Variants in SPAG5 observed in about 807,000 individuals in gnomAD.
SPAG5 encodes sperm associated antigen 5.
Under a neutral mutation model 145.4 loss-of-function variants are expected in SPAG5, and 99 were observed. The ratio of observed to expected loss-of-function variants is 0.68; its 90% confidence interval spans 0.58 to 0.80. The LOEUF (loss-of-function observed/expected upper bound fraction) is 0.80, where lower values mean the gene tolerates loss of function less well. SPAG5 is among the 30% of genes least tolerant of loss of function. SPAG5 has a pLI of 0.00. For missense variants in SPAG5, 1,192 were observed against 1,416.0 expected (o/e 0.84, Z 2.54); for synonymous variants, 477 against 525.4 (o/e 0.91, Z 1.26).
chr17:28,578,444 C>A lies in SPAG5; in HGVS notation c.3283G>T (p.Gly1095Cys), dbSNP rs771540023. The change falls in exon 21 of 24, where the codon GGC (glycine) becomes TGC (cysteine). Residue 1095 changes from glycine to cysteine, a missense_variant. Coordinates refer to ENST00000321765, the MANE Select transcript of SPAG5 (RefSeq NM_006461.4). ...ETKVLQEALA[G>C]QLDSNCQPMA... The stretch of plus-strand genomic sequence containing the variant: ...GGCTGGCAGTTGGAGTCCAGCTGGC[C>A]TGCCAGGGCCTCCTGGAGCACTTTG... The A allele has an allele frequency of 6.2e-7, 1 of 1,614,098 alleles. No homozygotes were observed. Among genetic ancestry groups the A allele is most frequent in the Non-Finnish European group, 8.5e-7 (1 of 1,180,038 alleles).
In SPAG5 at chr17:28,583,866, C is replaced by T. The variant is rs752244923; in HGVS notation, c.2533G>A (p.Val845Ile). ...SLQCENLKDT[V>I]ENLTAKLAST... The stretch of plus-strand genomic sequence containing the variant: ...TAGAGAACTTACGTTAGGTTCTCTA[C>T]AGTGTCCTTGAGGTTCTCACACTGC... The change falls in exon 14 of 24, where the codon GTA (valine) becomes ATA (isoleucine). Residue 845 changes from valine (V) to isoleucine (I), a missense_variant. Transcript: ENST00000321765. 1.9e-6 allele frequency: 3 copies of T among 1,613,830 alleles called. No homozygotes were observed. The East Asian group carries it at 6.7e-5, about 36-fold the overall frequency.
intron 15 of SPAG5, among the ~76,000 whole-genome samples, chr17:28,581,902 C>T (rs1297368163): frequency 1.3e-5 from 2 of 152,208 alleles, no homozygotes; most frequent in Non-Finnish European, 2.9e-5. Context: ...GGAGGTGTCA[C>T]TAGCCCTAGT....
Position 28,592,683 on chromosome 17 carries a change from A to G in SPAG5, c.561T>C (p.Ala187=). The change falls in exon 3 of 24, where the codon GCT becomes GCC. Residue 187 remains alanine (A), a synonymous_variant. Coordinates refer to ENST00000321765, the MANE Select transcript of SPAG5 (RefSeq NM_006461.4). ...CCTGAAAGATAGGTTTCTCAGATAC[A>G]GCAGCAACTTCTGAAAACCTGTCTC... The part of the protein sequence containing the change: ...CMGDRFSEVA[A]VSEKPIFQES... 1 of 1,614,230 alleles carries G rather than the reference A, an allele frequency of 6.2e-7. No homozygotes were observed. The highest frequency in any genetic ancestry group is 8.5e-7 in the Non-Finnish European group (1 of 1,180,044).
Position 28,598,630 on chromosome 17 carries a change from T to C in SPAG5, c.57A>G (p.Lys19=). ...LSLSPSPQTG[K]PSMRTPLREL... ...CACGGAGAGGAGTTCTCATAGATGGTTTTCCCTGAGAAAGAAACCAAGAAA... is the reference window on the plus strand; with the variant it reads ...CACGGAGAGGAGTTCTCATAGATGGCTTTCCCTGAGAAAGAAACCAAGAAA... Residue 19 remains lysine, a synonymous_variant, in exon 2 of 24, where the codon AAA becomes AAG. Transcript: ENST00000321765. The C allele has an allele frequency of 1.3e-6, 2 of 1,592,244 alleles. No individual in the cohort carries two copies. The highest frequency in any genetic ancestry group is 1.1e-5 in the South Asian group (1 of 89,378).
intron 17 of SPAG5, 45 bp downstream of exon 17, chr17:28,579,706 C>T: frequency 6.3e-7 from 1 of 1,577,354 alleles, no homozygotes; most frequent in Non-Finnish European, 8.7e-7. Context: ...TCATCACCAC[C>T]AGATTTTCTA....
At chr17:28,577,867 C>T (rs1312968811) in intron 23 of SPAG5, 97 bp from the exon 24 acceptor site, 2 of 1,228,582 alleles carry the variant, frequency 1.6e-6, no homozygotes, top group Middle Eastern at 4.0e-4. Flanking sequence ...GGGGAGAAAA[C>T]AGACACCACA....
At position 28,577,694 on chromosome 17, in the gene SPAG5, G is replaced by C; in HGVS notation, c.*5C>G. ...GAGGTGAAGCAGATTCTGGCTTTCA[G>C]TTTCTTAGCTCAGAAATTCCAGCAA... On this transcript the variant is annotated 3_prime_UTR_variant, in exon 24 of 24. Transcript: ENST00000321765. 6.2e-7 allele frequency: 1 copy of C among 1,610,642 alleles called. No individual in the cohort carries two copies. Among genetic ancestry groups the C allele is most frequent in the Non-Finnish European group, 8.5e-7 (1 of 1,176,778 alleles).
At chr17:28,591,480 G>C (rs2070620305) in intron 4 of SPAG5, among the ~76,000 whole-genome samples, 1 of 152,204 alleles carries the variant, frequency 6.6e-6, no homozygotes, top group African/African-American at 2.4e-5. Context: ...GCCCAAGCTG[G>C]TTTCAAATGC....
Position 28,583,879 on chromosome 17 carries a change from G to T in SPAG5, c.2520C>A (p.Asn840Lys). Reference sequence around the variant, plus strand: ...TTAGGTTCTCTACAGTGTCCTTGAGGTTCTCACACTGCAAGCTGCGCTCCC... The same window carrying T: ...TTAGGTTCTCTACAGTGTCCTTGAGTTTCTCACACTGCAAGCTGCGCTCCC... Reference protein sequence around the residue: ...VLRERSLQCENLKDTVENLTA... With the variant: ...VLRERSLQCEKLKDTVENLTA... Residue 840 changes from asparagine to lysine, a missense_variant, in exon 14 of 24, where the codon AAC (asparagine) becomes AAA (lysine). Coordinates refer to ENST00000321765, the MANE Select transcript of SPAG5 (RefSeq NM_006461.4). 1.2e-6 allele frequency: 2 copies of T among 1,614,162 alleles called. No individual in the cohort carries two copies. Among genetic ancestry groups the T allele is most frequent in the Non-Finnish European group, 1.7e-6 (2 of 1,179,996 alleles).
intron 2 of SPAG5, among the ~76,000 whole-genome samples, chr17:28,597,374 C>T (rs1462351285): frequency 2.6e-5 from 4 of 152,254 alleles, no homozygotes; most frequent in African/African-American, 2.4e-5. Flanking sequence ...GCCAAGATCA[C>T]GCCACTGCAC....
At chr17:28,593,848 TACAC>T (rs2070641443) in intron 2 of SPAG5, among the ~76,000 whole-genome samples, 1 of 151,738 alleles carries the variant, frequency 6.6e-6, no homozygotes, top group Non-Finnish European at 1.5e-5. Context: ...ACAACATAAA[TACAC>T]ACACAAAGAC....
At position 28,579,665 on chromosome 17, in the gene SPAG5, G is replaced by C. The variant is rs562579936; in HGVS notation, c.2884+86C>G. 79 of 1,433,680 alleles carry C rather than the reference G, an allele frequency of 5.5e-5. No homozygotes were observed. In the East Asian group the frequency reaches 1.4e-3, roughly 25 times the overall value. The allele number at this position is 1,433,680 out of a possible 1,614,324, so 88.8% of individuals were successfully genotyped here. ...CCCAAGTAGAATTGAGGTTTTTAGA[G>C]CAAAGCACTTCTCACTGCTTTCGTC... is the stretch of plus-strand genomic sequence containing the variant. On this transcript the variant is annotated intron_variant, in intron 17 of 23. Coordinates refer to ENST00000321765, the MANE Select transcript of SPAG5 (RefSeq NM_006461.4).
rs746921767 is a variant in SPAG5, at chr17:28,592,491, T to G, written c.753A>C (p.Ser251=). ...CACGGAAATCTGCTGCCAAGGCAGTTGAAGGGGAAAGCCAGAGAACAGAGG... is the reference window on the plus strand; with the variant it reads ...CACGGAAATCTGCTGCCAAGGCAGTGGAAGGGGAAAGCCAGAGAACAGAGG... The part of the protein sequence containing the change: ...LPSSVLWLSP[S]TALAADFRVN... Residue 251 remains serine, a synonymous_variant, in exon 3 of 24, where the codon TCA becomes TCC. Transcript: ENST00000321765. 9 of 1,613,978 alleles carry G rather than the reference T, an allele frequency of 5.6e-6. No individual in the cohort carries two copies. Among genetic ancestry groups the G allele is most frequent in the Non-Finnish European group, 7.6e-6 (9 of 1,180,034 alleles).
At position 28,579,127 on chromosome 17, in the gene SPAG5, G is replaced by C. The variant is rs778923088; in HGVS notation, c.3117+14C>G. 3 of 1,604,418 alleles carry C rather than the reference G, an allele frequency of 1.9e-6. No individual in the cohort carries two copies. Among genetic ancestry groups the C allele is most frequent in the African/African-American group, 1.3e-5 (1 of 74,792 alleles). ...CCAGTTCTTCATCGCCCCACTTCTA[G>C]GTCCCTCCTTCACCTTGTAGCGCAA... On this transcript the variant is annotated intron_variant, in intron 19 of 23. Coordinates refer to ENST00000321765, the MANE Select transcript of SPAG5 (RefSeq NM_006461.4).
Position 28,580,084 on chromosome 17 carries a change from G to T in SPAG5, c.2722C>A (p.Pro908Thr). 2.5e-6 allele frequency: 4 copies of T among 1,613,996 alleles called. No homozygotes were observed. The highest frequency in any genetic ancestry group is 3.4e-6 in the Non-Finnish European group (4 of 1,179,928). ...QETLLLSTAC[P>T]PTQEHPLPND... ...GGCAGAGGGTGTTCCTGGGTGGGAG[G>T]ACAGGCTGTACTCAGCAGAAGGGTC... Residue 908 changes from proline to threonine, a missense_variant, in exon 16 of 24, where the codon CCT (proline) becomes ACT (threonine). Pro to Thr is a conservative substitution (Grantham distance 38, BLOSUM62 -1). Coordinates refer to ENST00000321765, the MANE Select transcript of SPAG5 (RefSeq NM_006461.4).
chr17:28,584,528 A>G (rs111377531), intron 11 of SPAG5, 48 bp from the exon 12 acceptor site: 31 of 1,611,886 alleles, frequency 1.9e-5, no homozygotes, highest in African/African-American at 1.5e-4. Flanking sequence ...CAGGCTAGAA[A>G]CTCCCCAAAC....
chr17:28,588,852 T>C (rs983019937), intron 4 of SPAG5, among the ~76,000 whole-genome samples: 6 of 151,914 alleles, frequency 3.9e-5, no homozygotes, highest in African/African-American at 7.3e-5. Context: ...CAGCTAACTT[T>C]TGTATTTTTA....
intron 4 of SPAG5, among the ~76,000 whole-genome samples, chr17:28,590,796 G>A (rs1034363734): frequency 1.3e-5 from 2 of 148,966 alleles, no homozygotes; most frequent in African/African-American, 5.0e-5. Context: ...TTGAACCTGG[G>A]AGGCAGAGGT....
chr17:28,578,648 G>T (rs1380607302), intron 20 of SPAG5, 24 bp downstream of exon 20: 1 of 1,611,134 alleles, frequency 6.2e-7, no homozygotes, highest in Non-Finnish European at 8.5e-7. Context: ...GAAGGCAAAG[G>T]CCTGGGCATG....
Sources: allele counts gnomAD v4.1 joint callset (sites outside exome capture counted in the v4.1 genomes callset), GRCh38; gene constraint gnomAD v4.1.1; transcripts MANE v1.5; gene names NCBI Gene and HGNC (gene_info 2026-07-23, HGNC 2026-07-21).